DIAPH2: variants seen among roughly 807,000 people sequenced by gnomAD.
The protein encoded by DIAPH2 is diaphanous related formin 2.
In DIAPH2, 35 loss-of-function variants were observed where a neutral mutation model predicts 92.7. That is an observed-to-expected ratio of 0.38 (90% CI 0.29 to 0.50). The LOEUF (loss-of-function observed/expected upper bound fraction) is 0.50, where lower values mean the gene tolerates loss of function less well. DIAPH2 is among the 20% of genes least tolerant of loss of function. The pLI is 0.94. For missense variants in DIAPH2, 701 were observed against 819.5 expected (o/e 0.86, Z 1.77); for synonymous variants, 301 against 280.4 (o/e 1.07, Z -0.73).
chrX:96,689,444 C>G (rs151188494), intron 1 of DIAPH2, among the ~76,000 whole-genome samples: 1,419 of 108,532 alleles, frequency 0.013, 26 homozygotes, highest in African/African-American at 0.046. Context: ...AGCAGAGTAG[C>G]ATAAAAGAGT....
chrX:97,329,266 T>C, intron 23 of DIAPH2, among the ~76,000 whole-genome samples: 1 of 112,471 alleles, frequency 8.9e-6, no homozygotes, highest in Non-Finnish European at 1.9e-5. Context: ...TTTGCTCTTA[T>C]GTCTTGACAA....
chrX:97,548,217 T>C (rs2071195148), intron 26 of DIAPH2, among the ~76,000 whole-genome samples: 1 of 112,228 alleles, frequency 8.9e-6, no homozygotes, highest in South Asian at 3.7e-4. Flanking sequence ...TGTCTCTCTC[T>C]TTCTCTCTCT....
At chrX:96,868,062 T>C in intron 4 of DIAPH2, among the ~76,000 whole-genome samples, 1 of 112,307 alleles carries the variant, frequency 8.9e-6, no homozygotes, top group African/African-American at 3.2e-5. Flanking sequence ...GCGGGCACTT[T>C]TGGGTTCTCT....
intron 4 of DIAPH2, among the ~76,000 whole-genome samples, chrX:96,864,137 C>A (rs2065089525): frequency 9.0e-6 from 1 of 111,318 alleles, no homozygotes; most frequent in African/African-American, 3.3e-5. Flanking sequence ...CCGATATTTG[C>A]ACTGTTCAAT....
chrX:96,940,991 C>T (rs1459182232), intron 12 of DIAPH2, among the ~76,000 whole-genome samples: 1 of 110,819 alleles, frequency 9.0e-6, no homozygotes, highest in Non-Finnish European at 1.9e-5. Flanking sequence ...CTTATTTAAC[C>T]ATTGACTAGA....
At chrX:96,809,771 G>A (rs760092480) in intron 4 of DIAPH2, among the ~76,000 whole-genome samples, 21 of 111,478 alleles carry the variant, frequency 1.9e-4, no homozygotes, top group African/African-American at 6.8e-4. Flanking sequence ...TGCAGTGTTT[G>A]GTTTTCTGTC....
intron 4 of DIAPH2, among the ~76,000 whole-genome samples, chrX:96,791,452 T>C (rs1438371844): frequency 9.1e-6 from 1 of 109,949 alleles, no homozygotes; most frequent in Non-Finnish European, 1.9e-5. Context: ...GCATGAGGAT[T>C]GCTTGAACCC....
rs963619733 is a variant in DIAPH2 at position 96,780,888 on chromosome X, C to A, written c.447+22630C>A. On this transcript the variant is annotated intron_variant, in intron 4 of 26. Coordinates refer to ENST00000324765, the MANE Select transcript of DIAPH2 (RefSeq NM_006729.5). ...AGTGGCTCGATCTCACTCACTGCAACCTCCGCCTCCTGGGATCAAGCAATT... is the reference window on the plus strand; with the variant it reads ...AGTGGCTCGATCTCACTCACTGCAAACTCCGCCTCCTGGGATCAAGCAATT... 1.0e-4 allele frequency among the ~76,000 whole-genome samples: 11 copies of A among 108,893 alleles called. No homozygotes were observed. The East Asian group carries it at 2.3e-3, about 23-fold the overall frequency. 94.6% of individuals were successfully genotyped at this position (108,893 alleles called of 115,157 possible).
chrX:97,083,704 C>A (rs927524729), intron 19 of DIAPH2, among the ~76,000 whole-genome samples: 7 of 112,080 alleles, frequency 6.2e-5, no homozygotes, highest in Non-Finnish European at 1.3e-4. Context: ...ACTTTTATTT[C>A]TGAAGTATAT....
chrX:97,468,457 T>C (rs1217897045), intron 26 of DIAPH2, among the ~76,000 whole-genome samples: 1 of 111,646 alleles, frequency 9.0e-6, no homozygotes, highest in Non-Finnish European at 1.9e-5. Flanking sequence ...AGCATACATA[T>C]GGCCTTTACC....
chrX:97,431,796 G>A (rs1414359497), intron 26 of DIAPH2: 1 of 112,061 alleles, frequency 8.9e-6, no homozygotes, highest in Non-Finnish European at 1.9e-5. Flanking sequence ...AGGGAGTGGG[G>A]ACAGAAGGCA....
intron 22 of DIAPH2, among the ~76,000 whole-genome samples, chrX:97,181,823 A>G (rs1484681152): frequency 8.9e-6 from 1 of 112,659 alleles, no homozygotes; most frequent in East Asian, 2.8e-4. Flanking sequence ...GTAGGTAACC[A>G]TTTTAGCATT....
At chrX:97,421,686 A>G (rs2070010326) in intron 25 of DIAPH2, among the ~76,000 whole-genome samples, 1 of 111,951 alleles carries the variant, frequency 8.9e-6, no homozygotes, top group African/African-American at 3.2e-5. Context: ...TTGTCATATA[A>G]TTGATTTCTC....
intron 14 of DIAPH2, among the ~76,000 whole-genome samples, chrX:96,947,763 T>C (rs886890353): frequency 8.9e-6 from 1 of 112,213 alleles, no homozygotes; most frequent in Non-Finnish European, 1.9e-5. Context: ...GATGTATCAC[T>C]TTTAGAAACA....
intron 4 of DIAPH2, among the ~76,000 whole-genome samples, chrX:96,788,965 C>A (rs1205984134): frequency 8.9e-6 from 1 of 112,262 alleles, no homozygotes; most frequent in Non-Finnish European, 1.9e-5. Flanking sequence ...GTATAGTAGG[C>A]GTGTGTGTTG....
At chrX:96,805,443 T>C (rs2064617021) in intron 4 of DIAPH2, among the ~76,000 whole-genome samples, 1 of 111,013 alleles carries the variant, frequency 9.0e-6, no homozygotes, top group African/African-American at 3.3e-5. Flanking sequence ...AGTAGGTTTT[T>C]TTTTACTTGT....
intron 22 of DIAPH2, among the ~76,000 whole-genome samples, chrX:97,217,860 C>T (rs767571545): frequency 1.3e-4 from 14 of 110,538 alleles, no homozygotes; most frequent in Non-Finnish European, 2.6e-4. Flanking sequence ...GCAGAAGAAT[C>T]GCTTGAACCC....
chrX:97,275,665 C>T (rs1333873288), intron 23 of DIAPH2, among the ~76,000 whole-genome samples: 1 of 107,922 alleles, frequency 9.3e-6, no homozygotes, highest in African/African-American at 3.4e-5. Context: ...AGAGGCGCTC[C>T]TCACATCCCA....
intron 24 of DIAPH2, among the ~76,000 whole-genome samples, chrX:97,368,386 T>G (rs1187482654): frequency 8.9e-6 from 1 of 112,331 alleles, no homozygotes; most frequent in Non-Finnish European, 1.9e-5. Flanking sequence ...CTTTTATTCT[T>G]CATCGGACAT....
Sources: gnomAD v4.1 joint callset for allele counts (sites outside exome capture counted in the v4.1 genomes callset) on GRCh38, gnomAD v4.1.1 for gene constraint, MANE v1.5 for transcripts, NCBI Gene and HGNC (gene_info 2026-07-23, HGNC 2026-07-21) for gene names.